The following DIAPH3 variants were observed in gnomAD, a reference collection of about 807,000 sequenced individuals.
DIAPH3 encodes protein diaphanous homolog 3.
In DIAPH3, 117 loss-of-function variants were observed where a neutral mutation model predicts 144.3. The ratio of observed to expected loss-of-function variants is 0.81; its 90% CI spans 0.70 to 0.95. The LOEUF is 0.95. Among genes scored for constraint, DIAPH3 ranks in the 40% least tolerant of loss-of-function variants. DIAPH3 has a pLI of 0.00. For synonymous variants in DIAPH3, 519 were observed against 488.9 expected, an observed-to-expected ratio of 1.06 and a Z score of -0.81; for missense variants, 1,421 against 1,412.7, an observed-to-expected ratio of 1.01 and a Z score of -0.09.
intron 1 of DIAPH3, among the ~76,000 whole-genome samples, chr13:60,149,814 T>C (rs1320133633): frequency 1.3e-5 from 2 of 151,288 alleles, no homozygotes; most frequent in Non-Finnish European, 2.9e-5. Context: ...CCCTTGGGGC[T>C]GCTCTGCCTA....
At chr13:59,826,286 C>T (rs341519) in intron 24 of DIAPH3, among the ~76,000 whole-genome samples, 19,516 of 57,860 alleles carry the variant, frequency 0.34, 6,890 homozygotes, top group Admixed American at 0.48. Flanking sequence ...AAAACCCCAT[C>T]GTCTCAACCC....
intron 24 of DIAPH3, among the ~76,000 whole-genome samples, chr13:59,814,489 G>A (rs1430547190): frequency 1.3e-5 from 2 of 152,114 alleles, no homozygotes; most frequent in African/African-American, 2.4e-5. Context: ...ACTAATATCC[G>A]AGTTCAAACA....
intron 20 of DIAPH3, among the ~76,000 whole-genome samples, chr13:59,897,114 G>A (rs1283008463): frequency 1.3e-5 from 2 of 152,214 alleles, no homozygotes; most frequent in South Asian, 2.1e-4. Flanking sequence ...ATCAAAAGAA[G>A]AGAGTAGAGG....
intron 8 of DIAPH3, among the ~76,000 whole-genome samples, chr13:60,010,318 A>G (rs2053157820): frequency 6.6e-6 from 1 of 152,168 alleles, no homozygotes; most frequent in Non-Finnish European, 1.5e-5. Context: ...TCAGTTTTTC[A>G]TAGAAGTATG....
intron 2 of DIAPH3, among the ~76,000 whole-genome samples, chr13:60,113,024 T>C (rs1450763153): frequency 1.3e-5 from 2 of 152,216 alleles, no homozygotes; most frequent in Non-Finnish European, 2.9e-5. Flanking sequence ...AGAATAGAAG[T>C]ATACTCAAAC....
chr13:59,890,140 A>G (rs550476489), intron 20 of DIAPH3, among the ~76,000 whole-genome samples: 3 of 152,084 alleles, frequency 2.0e-5, no homozygotes, highest in South Asian at 4.1e-4. Context: ...GTGTATGAAC[A>G]CTCCAGCTCC....
chr13:60,069,775 C>A (rs1278385853), intron 4 of DIAPH3, among the ~76,000 whole-genome samples: 1 of 152,090 alleles, frequency 6.6e-6, no homozygotes, highest in Non-Finnish European at 1.5e-5. Context: ...TGTCAAAGAT[C>A]AGATGGTTAC....
chr13:59,743,538 G>T (rs1487231340), intron 27 of DIAPH3, among the ~76,000 whole-genome samples: 1 of 152,098 alleles, frequency 6.6e-6, no homozygotes, highest in Non-Finnish European at 1.5e-5. Flanking sequence ...ACCCCTTAAA[G>T]GTCTGTGTGA....
At chr13:60,098,403 G>C (rs2058171154) in intron 3 of DIAPH3, among the ~76,000 whole-genome samples, 1 of 152,026 alleles carries the variant, frequency 6.6e-6, no homozygotes, top group African/African-American at 2.4e-5. Context: ...TCTGATGAGG[G>C]CAAATCTCTG....
At chr13:59,956,942 C>T (rs1380602681) in intron 17 of DIAPH3, among the ~76,000 whole-genome samples, 1 of 152,152 alleles carries the variant, frequency 6.6e-6, no homozygotes, top group African/African-American at 2.4e-5. Context: ...TGCACGGGGC[C>T]TGTAGACCCT....
At chr13:59,840,730 T>C (rs1354667265) in intron 22 of DIAPH3, among the ~76,000 whole-genome samples, 1 of 152,132 alleles carries the variant, frequency 6.6e-6, no homozygotes, top group Non-Finnish European at 1.5e-5. Flanking sequence ...TACTTGTTTG[T>C]GCTTGAAGAG....
chr13:59,971,153 G>A lies in DIAPH3; in HGVS notation c.1658C>T (p.Ala553Val). The change falls in exon 16 of 28, where the codon GCC (alanine) becomes GTC (valine). Residue 553 changes from alanine to valine, a missense_variant. Coordinates refer to ENST00000400324, the MANE Select transcript of DIAPH3 (RefSeq NM_001042517.2). ...AGGAATATTACAATCAGCTGGCAAG[G>A]CACCAAACTGGAGAAAAAAACAATA... is the stretch of plus-strand genomic sequence containing the variant. ...ELQAFKSQFG[A>V]LPADCNIPLP... is the part of the protein sequence containing the mutation. The A allele has an allele frequency of 6.4e-7, 1 of 1,574,196 alleles. No individual in the cohort carries two copies. Among genetic ancestry groups the A allele is most frequent in the Non-Finnish European group, 8.6e-7 (1 of 1,158,692 alleles).
At chr13:60,131,839 T>A (rs901953476) in intron 2 of DIAPH3, among the ~76,000 whole-genome samples, 1 of 152,224 alleles carries the variant, frequency 6.6e-6, no homozygotes, top group Non-Finnish European at 1.5e-5. Flanking sequence ...ATTTGCAAGC[T>A]GGGTTAAGTT....
At chr13:59,985,131 A>C (rs1271025911) in intron 12 of DIAPH3, among the ~76,000 whole-genome samples, 5 of 141,502 alleles carry the variant, frequency 3.5e-5, no homozygotes, top group African/African-American at 1.3e-4. Flanking sequence ...ACCATGATCA[A>C]GTGGGCTTCA....
intron 17 of DIAPH3, among the ~76,000 whole-genome samples, chr13:59,968,614 G>T (rs187122033): frequency 6.6e-6 from 1 of 152,048 alleles, no homozygotes; most frequent in African/African-American, 2.4e-5. Context: ...CAGGATAAAT[G>T]GTACTCAAAA....
chr13:60,095,312 G>A (rs80181190), intron 3 of DIAPH3, among the ~76,000 whole-genome samples: 7,052 of 152,278 alleles, frequency 0.046, 241 homozygotes, highest in Admixed American at 0.093. Context: ...ATCGAATGGT[G>A]CTGCTCCTTG....
rs145027879 is a variant in DIAPH3 at position 59,971,763 on chromosome 13, T to G, written c.1651-603A>C. Among the ~76,000 whole-genome samples, 226 of 152,310 alleles carry G rather than the reference T, an allele frequency of 1.5e-3. 1 individual carries two copies. In the Middle Eastern group the frequency reaches 0.017, roughly 12 times the overall value. ...ATATCATGATCTAGTCCCTGCTATC[T>G]GGTCTTGTAGGGGACTTTCTTCTAA... On this transcript the variant is annotated intron_variant, in intron 15 of 27. Coordinates refer to ENST00000400324, the MANE Select transcript of DIAPH3 (RefSeq NM_001042517.2).
intron 1 of DIAPH3, among the ~76,000 whole-genome samples, chr13:60,153,914 C>A (rs1951910301): frequency 6.6e-6 from 1 of 151,626 alleles, no homozygotes; most frequent in Non-Finnish European, 1.5e-5. Context: ...ACATTTGTAC[C>A]CCAAGTTTCA....
chr13:59,891,232 A>G (rs1490553043), intron 20 of DIAPH3, among the ~76,000 whole-genome samples: 2 of 152,124 alleles, frequency 1.3e-5, no homozygotes, highest in African/African-American at 4.8e-5. Flanking sequence ...ATGAATCACA[A>G]GAGACCTTTT....
Sources: gnomAD v4.1 joint callset for allele counts (sites outside exome capture counted in the v4.1 genomes callset) on GRCh38, gnomAD v4.1.1 for gene constraint, MANE v1.5 for transcripts, NCBI Gene and HGNC (gene_info 2026-07-23, HGNC 2026-07-21) for gene names.